Variants in PGBD5 observed in about 807,000 individuals in gnomAD.
PGBD5 encodes the protein piggyBac transposable element derived 5.
In PGBD5, 14 loss-of-function variants were observed where a neutral mutation model predicts 47.9. That is an observed-to-expected ratio of 0.29 (90% confidence interval 0.19 to 0.46). PGBD5 has a LOEUF of 0.46. PGBD5 is among the 20% of genes least tolerant of loss of function. PGBD5 has a pLI of 1.00. For missense variants in PGBD5, 635 were observed against 716.0 expected (o/e 0.89, Z 1.29); for synonymous variants, 316 against 306.3 (o/e 1.03, Z -0.33).
chr1:230,372,132 C>T (rs146054388), intron 1 of PGBD5, among the ~76,000 whole-genome samples: 102 of 152,326 alleles, frequency 6.7e-4, no homozygotes, highest in African/African-American at 2.4e-3. Flanking sequence ...AAAGCAAATG[C>T]ATTTCTAATG....
chr1:230,399,562 A>T (rs1038029051), intron 1 of PGBD5, among the ~76,000 whole-genome samples: 2 of 152,142 alleles, frequency 1.3e-5, no homozygotes, highest in Admixed American at 6.5e-5. Context: ...ACACCCCTGA[A>T]TTCAGCCATC....
At chr1:230,419,542 C>G (rs1386664883) in intron 1 of PGBD5, among the ~76,000 whole-genome samples, 1 of 151,778 alleles carries the variant, frequency 6.6e-6, no homozygotes, top group Non-Finnish European at 1.5e-5. Flanking sequence ...GACATGTATC[C>G]CCTGAGTCTA....
intron 1 of PGBD5, among the ~76,000 whole-genome samples, chr1:230,424,467 C>CA (rs1372516700): frequency 6.6e-6 from 1 of 152,234 alleles, no homozygotes; most frequent in Non-Finnish European, 1.5e-5. Context: ...ACTCCCTACT[C>CA]AGAGTCCAGC....
chr1:230,365,491 G>A (rs953999093), intron 1 of PGBD5, among the ~76,000 whole-genome samples: 2 of 152,080 alleles, frequency 1.3e-5, no homozygotes, highest in Admixed American at 1.3e-4. Flanking sequence ...CAAGGCACCC[G>A]TACACATAAA....
rs1370525232 is a variant in PGBD5 at position 230,426,050 on chromosome 1, G to T, written c.-122C>A. 1.0e-5 allele frequency: 4 copies of T among 386,164 alleles called. No individual in the cohort carries two copies. Among genetic ancestry groups the T allele is most frequent in the South Asian group, 9.9e-5 (1 of 10,058 alleles). The allele number at this position is 386,164 out of a possible 1,614,324, so 23.9% of individuals were successfully genotyped here. A position where few individuals can be genotyped will look rare whatever the true frequency, so the allele number is the denominator to read the frequency against. On this transcript the variant is annotated 5_prime_UTR_variant, in exon 1 of 7. Coordinates refer to ENST00000391860, the MANE Select transcript of PGBD5 (RefSeq NM_001258311.2). The stretch of plus-strand genomic sequence containing the variant: ...CGCAGCCCGCAGCACAGCGCCCGCC[G>T]CCCCGTGCCCGGCCGGCCCGCCGTC...
chr1:230,396,119 C>T (rs116725062), intron 1 of PGBD5, among the ~76,000 whole-genome samples: 1,518 of 146,412 alleles, frequency 0.01, 41 homozygotes, highest in African/African-American at 0.038. Flanking sequence ...ACCCTCCACT[C>T]TCCTCCCCTT....
intron 2 of PGBD5, among the ~76,000 whole-genome samples, chr1:230,353,926 G>T (rs1384098221): frequency 1.3e-5 from 2 of 152,198 alleles, no homozygotes; most frequent in Non-Finnish European, 2.9e-5. Flanking sequence ...AGTGGCAGAT[G>T]CGTCTCTGAG....
chr1:230,323,670 G>C lies in PGBD5; in HGVS notation c.1380-50C>G, dbSNP rs751919735. 4.6e-6 allele frequency: 7 copies of C among 1,534,964 alleles called. No homozygotes were observed. The Admixed American group carries it at 1.3e-4, about 28-fold the overall frequency. Reference sequence around the variant, plus strand: ...GCTGACCCGATGGTTCATGGCACCCGGAGATGCATCCCAAAGGCCCCCCCT... The same window carrying C: ...GCTGACCCGATGGTTCATGGCACCCCGAGATGCATCCCAAAGGCCCCCCCT... On this transcript the variant is annotated intron_variant, in intron 6 of 6. Coordinates refer to ENST00000391860, the MANE Select transcript of PGBD5 (RefSeq NM_001258311.2). The surrounding 1 kb of genome is among the most constrained non-coding windows in gnomAD (Gnocchi z 4.1).
Position 230,376,726 on chromosome 1 carries a change from G to A in PGBD5, c.332-19405C>T, listed in dbSNP as rs540831154. On this transcript the variant is annotated intron_variant, in intron 1 of 6. Transcript: ENST00000391860. The stretch of plus-strand genomic sequence containing the variant: ...TGCTGTGCCCGAGGTCTGGGGCTGA[G>A]GCAGGTGACTCAGTTTTCTCCTCTA... Among the ~76,000 whole-genome samples the A allele has an allele frequency of 6.1e-4, 93 of 152,258 alleles. 2 individuals are homozygous for A. In the South Asian group the frequency reaches 0.019, roughly 31 times the overall value.
rs1490953187 is a variant in PGBD5, at chr1:230,383,359, T to C, written c.332-26038A>G. On this transcript the variant is annotated intron_variant, in intron 1 of 6. Transcript: ENST00000391860. ...AAAATGCTGGGATTATAGGCCACCA[T>C]GCCCAGCATTTTTTTTTTAATTTTT... 2.0e-5 allele frequency among the ~76,000 whole-genome samples: 3 copies of C among 151,384 alleles called. No homozygotes were observed. In the East Asian group the frequency reaches 5.9e-4, roughly 30 times the overall value.
At chr1:230,336,039 T>C (rs1293801750) in intron 4 of PGBD5, 1 of 152,060 alleles carries the variant, frequency 6.6e-6, no homozygotes, top group Non-Finnish European at 1.5e-5. Flanking sequence ...AACATCACAC[T>C]CGCAGTACCC....
intron 1 of PGBD5, among the ~76,000 whole-genome samples, chr1:230,392,252 T>G (rs1331151451): frequency 1.3e-5 from 2 of 152,192 alleles, no homozygotes; most frequent in Non-Finnish European, 2.9e-5. Context: ...ACGGGTCCTT[T>G]GGGGATAAGC....
At chr1:230,379,765 A>G (rs1381760205) in intron 1 of PGBD5, among the ~76,000 whole-genome samples, 1 of 152,250 alleles carries the variant, frequency 6.6e-6, no homozygotes, top group Non-Finnish European at 1.5e-5. Context: ...CAGAGCCAAC[A>G]GTTACCAACC....
chr1:230,374,902 G>A (rs770134803), intron 1 of PGBD5, among the ~76,000 whole-genome samples: 1 of 152,188 alleles, frequency 6.6e-6, no homozygotes, highest in African/African-American at 2.4e-5. Context: ...TTAAATAGGA[G>A]GCCACAGGAG....
intron 1 of PGBD5, among the ~76,000 whole-genome samples, chr1:230,394,337 G>C (rs753826036): frequency 6.6e-6 from 1 of 151,692 alleles, no homozygotes; most frequent in Non-Finnish European, 1.5e-5. Flanking sequence ...GGCGGTTTTC[G>C]AGTATGAGGA....
rs1667654111 is a variant in PGBD5, at chr1:230,356,830, G to A, written c.759+64C>T. On this transcript the variant is annotated intron_variant, in intron 2 of 6. Coordinates refer to ENST00000391860, the MANE Select transcript of PGBD5 (RefSeq NM_001258311.2). ...AGGACACCCCAAAGCCCTGCCAACA[G>A]ACAAGGCTAGGCCGAGAGAGCGAGG... The A allele has an allele frequency of 5.2e-6, 8 of 1,543,326 alleles. No individual in the cohort carries two copies. The South Asian group carries it at 8.8e-5, about 17-fold the overall frequency.
rs1558189194 is a variant in PGBD5, at chr1:230,323,725, G to GC, written c.1380-106dup. On this transcript the variant is annotated intron_variant, in intron 6 of 6. Coordinates refer to ENST00000391860, the MANE Select transcript of PGBD5 (RefSeq NM_001258311.2). This position sits in a 1 kb window ranked among gnomAD's most constrained non-coding sequence, Gnocchi z 4.1. ...ACAGCCCGTGAGACGCTGCAGGTTC[G>GC]CCCCCGACAGAAGCAGGAGGGCTAT... 2 of 1,135,176 alleles carry GC rather than the reference G, an allele frequency of 1.8e-6. No individual in the cohort carries two copies. The highest frequency in any genetic ancestry group is 4.8e-5 in the East Asian group (2 of 41,600). 70.3% of individuals were successfully genotyped at this position (1,135,176 alleles called of 1,614,324 possible).
At position 230,374,706 on chromosome 1, in the gene PGBD5, G is replaced by A. The variant is rs1000964643; in HGVS notation, c.332-17385C>T. 4.6e-5 allele frequency among the ~76,000 whole-genome samples: 7 copies of A among 152,286 alleles called. 1 individual carries two copies. Among genetic ancestry groups the A allele is most frequent in the Admixed American group, 4.6e-4 (7 of 15,302 alleles). On this transcript the variant is annotated intron_variant, in intron 1 of 6. Transcript: ENST00000391860. Reference sequence around the variant, plus strand: ...TGCTATTTTAAAGAAACAAGCACTAGAGGTCCCAACAGTCTTCTAACCTTT... The same window carrying A: ...TGCTATTTTAAAGAAACAAGCACTAAAGGTCCCAACAGTCTTCTAACCTTT...
intron 1 of PGBD5, among the ~76,000 whole-genome samples, chr1:230,392,106 G>T (rs1163237144): frequency 1.3e-5 from 2 of 152,224 alleles, no homozygotes; most frequent in East Asian, 1.9e-4. Context: ...TACTTGCTTT[G>T]ATTTTTTTCT....
Sources: allele counts gnomAD v4.1 joint callset (sites outside exome capture counted in the v4.1 genomes callset), GRCh38; gene constraint gnomAD v4.1.1; non-coding constraint Gnocchi (gnomAD v3.1); transcripts MANE v1.5; gene names NCBI Gene and HGNC (gene_info 2026-07-23, HGNC 2026-07-21).